Variants in DLGAP2 observed in about 807,000 individuals in gnomAD.
DLGAP2 encodes disks large-associated protein 2.
A neutral mutation model predicts 100.3 loss-of-function variants in DLGAP2; 26 were observed. That is an observed-to-expected ratio of 0.26 (90% CI 0.19 to 0.36). The LOEUF (loss-of-function observed/expected upper bound fraction) is 0.36. Among genes scored for constraint, DLGAP2 ranks in the 10% least tolerant of loss-of-function variants. The pLI, the probability that DLGAP2 is intolerant of heterozygous loss-of-function variation, is 1.00. For missense variants in DLGAP2, 1,858 were observed against 1,453.2 expected (o/e 1.28, Z -4.53); for synonymous variants, 886 against 630.1 (o/e 1.41, Z -6.08).
At chr8:1,002,466 A>C (rs1166320114) in intron 2 of DLGAP2, 2 of 152,218 alleles carry the variant, frequency 1.3e-5, no homozygotes, top group South Asian at 2.1e-4. Flanking sequence ...CATTCAGTAA[A>C]ATATTATTCT....
chr8:1,420,125 A>G (rs948290662), intron 3 of DLGAP2, among the ~76,000 whole-genome samples: 2 of 152,016 alleles, frequency 1.3e-5, no homozygotes, highest in Non-Finnish European at 2.9e-5. Context: ...TGGGGTCGGG[A>G]GGGGCTGGAA....
At chr8:1,529,711 A>C (rs1800921182) in intron 4 of DLGAP2, among the ~76,000 whole-genome samples, 1 of 152,270 alleles carries the variant, frequency 6.6e-6, no homozygotes, top group African/African-American at 2.4e-5. Context: ...CTTTGAACAG[A>C]CACTTATCAG....
At chr8:1,277,877 A>G (rs760625122) in intron 3 of DLGAP2, among the ~76,000 whole-genome samples, 1 of 152,222 alleles carries the variant, frequency 6.6e-6, no homozygotes, top group African/African-American at 2.4e-5. Context: ...CAGATGTGTC[A>G]TGTCCGTGAC....
chr8:1,641,242 C>T (rs1270809003), intron 8 of DLGAP2, among the ~76,000 whole-genome samples: 10 of 152,160 alleles, frequency 6.6e-5, no homozygotes, highest in East Asian at 1.9e-4. Context: ...GCAGATAAAT[C>T]GTGCATCTGT....
chr8:1,203,774 A>G (rs1008735522), intron 2 of DLGAP2, among the ~76,000 whole-genome samples: 5 of 152,148 alleles, frequency 3.3e-5, no homozygotes, highest in Admixed American at 6.5e-5. Flanking sequence ...CTGTTATTCT[A>G]ATGCAGCCAA....
At chr8:830,805 C>T (rs370657460) in intron 1 of DLGAP2, among the ~76,000 whole-genome samples, 28 of 151,590 alleles carry the variant, frequency 1.8e-4, no homozygotes, top group African/African-American at 5.6e-4. Context: ...TATTTTGTTT[C>T]ATATGTAAGA....
At chr8:1,060,376 G>A (rs994574449) in intron 2 of DLGAP2, among the ~76,000 whole-genome samples, 3 of 77,804 alleles carry the variant, frequency 3.9e-5, no homozygotes, top group African/African-American at 1.0e-4. Flanking sequence ...CTCCCAAGGC[G>A]GGCTCCCTCT....
intron 3 of DLGAP2, among the ~76,000 whole-genome samples, chr8:1,477,572 C>T (rs1798970912): frequency 6.6e-6 from 1 of 152,182 alleles, no homozygotes; most frequent in South Asian, 2.1e-4. Context: ...TCTTCAGAGC[C>T]TGTCTACTGT....
At chr8:1,654,879 A>G (rs1798248357) in intron 8 of DLGAP2, among the ~76,000 whole-genome samples, 1 of 152,126 alleles carries the variant, frequency 6.6e-6, no homozygotes, top group Non-Finnish European at 1.5e-5. Flanking sequence ...AAAATTCTGT[A>G]CTTAGAAACA....
chr8:1,483,664 G>GCAGGGAGGCAGGTGCAGGAGGTGGTGAC, intron 3 of DLGAP2, among the ~76,000 whole-genome samples: 1 of 122,056 alleles, frequency 8.2e-6, no homozygotes, highest in Admixed American at 8.1e-5. Context: ...TCTACACAGA[G>GCAGGGAGGCAGGTGCAGGAGGTGGTGAC]CAGGGAGGCA....
In DLGAP2 at chr8:1,704,460, T is replaced by C. The variant is rs1799652142; in HGVS notation, c.*3054T>C. On this transcript the variant is annotated 3_prime_UTR_variant, in exon 15 of 15. Coordinates refer to ENST00000637795, the MANE Select transcript of DLGAP2 (RefSeq NM_001346810.2). ...TAGCGTTTAGCCCGGGAAAGGAGAA[T>C]GCTGCTTGTCACCTAGAGTGCTTTC... 6.6e-6 allele frequency: 1 copy of C among 152,250 alleles called. No homozygotes were observed. The highest frequency in any genetic ancestry group is 1.5e-5 in the Non-Finnish European group (1 of 68,048). The allele number at this position is 152,250 out of a possible 1,614,324, so 9.4% of individuals were successfully genotyped here.
intron 2 of DLGAP2, among the ~76,000 whole-genome samples, chr8:1,005,294 C>G (rs901420596): frequency 6.6e-6 from 1 of 152,062 alleles, no homozygotes; most frequent in African/African-American, 2.4e-5. Context: ...GTGACTTCTA[C>G]TCAGAAAGTC....
intron 3 of DLGAP2, among the ~76,000 whole-genome samples, chr8:1,386,231 A>C (rs1796216725): frequency 6.6e-6 from 1 of 152,232 alleles, no homozygotes; most frequent in South Asian, 2.1e-4. Context: ...GAAATGATCC[A>C]GGAAAAGGAA....
intron 4 of DLGAP2, among the ~76,000 whole-genome samples, chr8:1,522,523 G>T (rs945721412): frequency 6.6e-6 from 1 of 152,174 alleles, no homozygotes; most frequent in African/African-American, 2.4e-5. Context: ...GGGAAGCTGG[G>T]CCCCCGGCCA....
intron 3 of DLGAP2, among the ~76,000 whole-genome samples, chr8:1,372,966 ATGGCCACCTACG>A (rs1347669172): frequency 2.0e-5 from 3 of 152,224 alleles, no homozygotes; most frequent in South Asian, 2.1e-4. Flanking sequence ...ATGTGGGGTT[ATGGCCACCTACG>A]TGGCCACCTA....
intron 2 of DLGAP2, among the ~76,000 whole-genome samples, chr8:1,122,846 C>T (rs549170111): frequency 5.3e-4 from 80 of 152,104 alleles, no homozygotes; most frequent in South Asian, 1.5e-3. Flanking sequence ...TGACCAGTAG[C>T]TCCCCTCGTA....
At chr8:1,317,456 G>T (rs1438628742) in intron 3 of DLGAP2, among the ~76,000 whole-genome samples, 2 of 114,726 alleles carry the variant, frequency 1.7e-5, no homozygotes, top group South Asian at 3.1e-4. Flanking sequence ...AAAAATAGAG[G>T]CTGTGCGAGT....
chr8:1,360,311 C>A (rs62487415), intron 3 of DLGAP2, among the ~76,000 whole-genome samples: 1 of 60,646 alleles, frequency 1.6e-5, no homozygotes. Context: ...GGGGCTTCTC[C>A]GGGGCGGGGC....
At chr8:768,889 A>T (rs1281257468) in intron 1 of DLGAP2, among the ~76,000 whole-genome samples, 1 of 152,160 alleles carries the variant, frequency 6.6e-6, no homozygotes, top group African/African-American at 2.4e-5. Flanking sequence ...AGGAGAACGC[A>T]GTCTGTGTGG....
Sources: allele counts gnomAD v4.1 joint callset (sites outside exome capture counted in the v4.1 genomes callset), GRCh38; gene constraint gnomAD v4.1.1; transcripts MANE v1.5; gene names NCBI Gene and HGNC (gene_info 2026-07-23, HGNC 2026-07-21).